Variants in WSCD1 observed in about 807,000 individuals in gnomAD.
The protein encoded by WSCD1 is WSC domain sialate O sulfotransferase 1, also known as sialate:O-sulfotransferase 1.
In WSCD1, 41 loss-of-function variants were observed where a neutral mutation model predicts 60.4. The observed-to-expected ratio is 0.68, with a 90% CI of 0.53 to 0.88. The LOEUF is 0.88. WSCD1 is among the 40% of genes least tolerant of loss of function. WSCD1 has a pLI of 0.00. For synonymous variants in WSCD1, 361 were observed against 332.5 expected (o/e 1.09, Z -0.93); for missense variants, 784 against 796.2 (o/e 0.98, Z 0.18).
At chr17:6,097,351 C>T (rs1241211877) in intron 5 of WSCD1, among the ~76,000 whole-genome samples, 2 of 152,258 alleles carry the variant, frequency 1.3e-5, no homozygotes, top group Non-Finnish European at 2.9e-5. Flanking sequence ...GGAAGCCTTC[C>T]TCTCACTCCA....
chr17:6,072,281 G>A (rs1176261343), intron 1 of WSCD1, among the ~76,000 whole-genome samples: 1 of 152,224 alleles, frequency 6.6e-6, no homozygotes, highest in Non-Finnish European at 1.5e-5. Flanking sequence ...AGTGCCACTA[G>A]TGGGTCTGCT....
At position 6,120,723 on chromosome 17, in the gene WSCD1, C is replaced by T. The variant is rs1436106389; in HGVS notation, c.*62C>T. 2 of 1,523,430 alleles carry T rather than the reference C, an allele frequency of 1.3e-6. No homozygotes were observed. The highest frequency in any genetic ancestry group is 1.8e-6 in the Non-Finnish European group (2 of 1,126,704). The allele number at this position is 1,523,430 out of a possible 1,614,324, so 94.4% of individuals were successfully genotyped here. Reference sequence around the variant, plus strand: ...GCAATCGCACCACGGGGCTGCGCTCCCCACTCTGATGCTCAGGCCCGTGGC... The same window carrying T: ...GCAATCGCACCACGGGGCTGCGCTCTCCACTCTGATGCTCAGGCCCGTGGC... On this transcript the variant is annotated 3_prime_UTR_variant, in exon 9 of 9. Transcript: ENST00000317744.
rs188596283 is a variant in WSCD1, at chr17:6,102,816, C to T, written c.850-6791C>T. On this transcript the variant is annotated intron_variant, in intron 5 of 8. Coordinates refer to ENST00000317744, the MANE Select transcript of WSCD1 (RefSeq NM_015253.2). ...CTCCTGAGGGACATTTAGGCCATTT[C>T]CTTTCTTTTTTTTTCTTTTTCCTTA... 5.0e-3 allele frequency among the ~76,000 whole-genome samples: 764 copies of T among 152,172 alleles called. 5 individuals carry two copies. Among genetic ancestry groups the T allele is most frequent in the Admixed American group, 9.2e-3 (141 of 15,288 alleles).
chr17:6,081,979 G>C (rs1193379986), intron 2 of WSCD1: 1 of 152,226 alleles, frequency 6.6e-6, no homozygotes, highest in Non-Finnish European at 1.5e-5. Flanking sequence ...AGGTGAGTCT[G>C]ATGCATGCTG....
intron 3 of WSCD1, among the ~76,000 whole-genome samples, chr17:6,088,972 T>C (rs980484127): frequency 2.6e-5 from 4 of 151,910 alleles, no homozygotes; most frequent in African/African-American, 4.8e-5. Flanking sequence ...TTAGTAGAGA[T>C]GGGGTTTCAC....
Position 6,120,725 on chromosome 17 carries a change from C to T in WSCD1, c.*64C>T. On this transcript the variant is annotated 3_prime_UTR_variant, in exon 9 of 9. Transcript: ENST00000317744. ...AATCGCACCACGGGGCTGCGCTCCC[C>T]ACTCTGATGCTCAGGCCCGTGGCCT... The T allele has an allele frequency of 1.3e-6, 2 of 1,513,042 alleles. No homozygotes were observed. The highest frequency in any genetic ancestry group is 1.3e-5 in the South Asian group (1 of 79,546). The allele number at this position is 1,513,042 out of a possible 1,614,324, so 93.7% of individuals were successfully genotyped here.
chr17:6,072,433 C>T (rs936152952), intron 1 of WSCD1, among the ~76,000 whole-genome samples: 1 of 152,196 alleles, frequency 6.6e-6, no homozygotes, highest in African/African-American at 2.4e-5. Context: ...TGGAACCCCT[C>T]CGAGCAGGGC....
At chr17:6,092,504 T>A (rs1910124923) in intron 4 of WSCD1, among the ~76,000 whole-genome samples, 1 of 152,052 alleles carries the variant, frequency 6.6e-6, no homozygotes, top group African/African-American at 2.4e-5. Flanking sequence ...CTTGGCAGTG[T>A]CTCACCGACA....
chr17:6,120,698 G>A lies in WSCD1; in HGVS notation c.*37G>A, dbSNP rs200167618. 6.9e-5 allele frequency: 109 copies of A among 1,570,062 alleles called. No individual in the cohort carries two copies. The highest frequency in any genetic ancestry group is 8.2e-5 in the Non-Finnish European group (95 of 1,155,276). ...CACGCCGCCGCCCCCGCTGAGTGAC[G>A]CAATCGCACCACGGGGCTGCGCTCC... is the stretch of plus-strand genomic sequence containing the variant. On this transcript the variant is annotated 3_prime_UTR_variant, in exon 9 of 9. Transcript: ENST00000317744.
At chr17:6,095,556 T>A (rs1357599979) in intron 5 of WSCD1, among the ~76,000 whole-genome samples, 1 of 152,204 alleles carries the variant, frequency 6.6e-6, no homozygotes, top group East Asian at 1.9e-4. Flanking sequence ...GGCTCGGGAC[T>A]TGGGGATAGC....
At chr17:6,086,057 A>G (rs1323750677) in intron 2 of WSCD1, among the ~76,000 whole-genome samples, 1 of 151,850 alleles carries the variant, frequency 6.6e-6, no homozygotes, top group Non-Finnish European at 1.5e-5. Flanking sequence ...CCCTTTGGCA[A>G]ACACTGGAGA....
intron 5 of WSCD1, among the ~76,000 whole-genome samples, chr17:6,103,244 GGT>G (rs749466750): frequency 3.3e-5 from 5 of 152,286 alleles, no homozygotes; most frequent in Non-Finnish European, 7.4e-5. Flanking sequence ...TATGTTTTGG[GGT>G]GTGTCTGGAG....
intron 8 of WSCD1, among the ~76,000 whole-genome samples, chr17:6,119,611 C>A (rs1364716688): frequency 6.6e-6 from 1 of 152,164 alleles, no homozygotes; most frequent in Non-Finnish European, 1.5e-5. Context: ...ACTTAGACAG[C>A]CCCCGACAGT....
chr17:6,094,235 G>A (rs1910242342), intron 4 of WSCD1, among the ~76,000 whole-genome samples: 1 of 152,160 alleles, frequency 6.6e-6, no homozygotes, highest in African/African-American at 2.4e-5. Context: ...TTTCCACCTG[G>A]AGGCTCTACA....
At chr17:6,099,866 TCTTC>T (rs1910693780) in intron 5 of WSCD1, among the ~76,000 whole-genome samples, 3 of 152,186 alleles carry the variant, frequency 2.0e-5, no homozygotes, top group Admixed American at 1.3e-4. Context: ...GCTGTTTTCT[TCTTC>T]CTTCCTTCTT....
intron 3 of WSCD1, among the ~76,000 whole-genome samples, chr17:6,088,844 G>A (rs575379720): frequency 2.7e-5 from 4 of 150,832 alleles, no homozygotes; most frequent in East Asian, 2.0e-4. Flanking sequence ...GTGCAGTGGC[G>A]CGATCTCCAC....
Position 6,111,773 on chromosome 17 carries a change from A to G in WSCD1, c.1174+838A>G, listed in dbSNP as rs118164197. Among the ~76,000 whole-genome samples, 476 of 152,134 alleles carry G rather than the reference A, an allele frequency of 3.1e-3. 7 individuals are homozygous for G. Among genetic ancestry groups the G allele is most frequent in the East Asian group, 0.027 (139 of 5,174 alleles). ...AAAGAAACACAATAATTCTCCAATA[A>G]CAGACCCCAAAGAAAAGGAAATGTA... On this transcript the variant is annotated intron_variant, in intron 7 of 8. Coordinates refer to ENST00000317744, the MANE Select transcript of WSCD1 (RefSeq NM_015253.2).
intron 5 of WSCD1, among the ~76,000 whole-genome samples, chr17:6,095,951 C>T (rs558862391): frequency 2.6e-5 from 4 of 152,172 alleles, no homozygotes; most frequent in Non-Finnish European, 4.4e-5. Context: ...GTTTCACATG[C>T]GCTGGGATTG....
In WSCD1 at chr17:6,116,063, A is replaced by T. The variant is rs1911670289; in HGVS notation, c.1175-1925A>T. Reference sequence around the variant, plus strand: ...AGTTGTCCATATAACCCAGCCTTGTACTCCCTGGGAACCTCGAGTGTTACA... The same window carrying T: ...AGTTGTCCATATAACCCAGCCTTGTTCTCCCTGGGAACCTCGAGTGTTACA... On this transcript the variant is annotated intron_variant, in intron 7 of 8. Coordinates refer to ENST00000317744, the MANE Select transcript of WSCD1 (RefSeq NM_015253.2). Among the ~76,000 whole-genome samples the T allele has an allele frequency of 4.6e-5, 7 of 151,920 alleles. No individual in the cohort carries two copies. The South Asian group carries it at 1.5e-3, about 32-fold the overall frequency.
Sources: allele counts gnomAD v4.1 joint callset (sites outside exome capture counted in the v4.1 genomes callset), GRCh38; gene constraint gnomAD v4.1.1; transcripts MANE v1.5; gene names NCBI Gene and HGNC (gene_info 2026-07-23, HGNC 2026-07-21).